The following ATP2C1 variants were observed in gnomAD, a reference collection of about 807,000 sequenced individuals.
The protein encoded by ATP2C1 is ATPase secretory pathway Ca2+ transporting 1.
A neutral mutation model predicts 120.5 loss-of-function variants in ATP2C1; 31 were observed. That is an observed-to-expected ratio of 0.26 (90% CI 0.19 to 0.35). The LOEUF (loss-of-function observed/expected upper bound fraction) is 0.35, where lower values mean the gene tolerates loss of function less well. Ranked by LOEUF, ATP2C1 falls within the 10% of genes least tolerant of loss-of-function variation. ATP2C1 has a pLI of 1.00. For synonymous variants in ATP2C1, 351 were observed against 358.7 expected (o/e 0.98, Z 0.24); for missense variants, 731 against 1,107.5 (o/e 0.66, Z 4.83).
chr3:130,851,479 A>G (rs2107680873), intron 1 of ATP2C1, among the ~76,000 whole-genome samples: 1 of 152,316 alleles, frequency 6.6e-6, no homozygotes, highest in East Asian at 1.9e-4. Flanking sequence ...TTTTTAGCCA[A>G]TCAAAAGCTA....
downstream of ATP2C1, chr3:131,016,704 T>C: frequency 3.1e-6 from 1 of 322,052 alleles, no homozygotes; most frequent in African/African-American, 2.2e-5. Context: ...CTGTTCTCTT[T>C]CACCGAAACT....
intron 7 of ATP2C1, among the ~76,000 whole-genome samples, chr3:130,941,146 C>T (rs1232586715): frequency 1.3e-5 from 2 of 151,790 alleles, no homozygotes; most frequent in African/African-American, 4.8e-5. Context: ...GATCTCCTGA[C>T]CTCGTGATCT....
chr3:130,944,213 A>C (rs1318296189), intron 8 of ATP2C1, among the ~76,000 whole-genome samples: 1 of 152,214 alleles, frequency 6.6e-6, no homozygotes, highest in Non-Finnish European at 1.5e-5. Flanking sequence ...CATAAATTTT[A>C]GTGCTTTCAG....
intron 1 of ATP2C1, among the ~76,000 whole-genome samples, chr3:130,888,669 A>T (rs1395123035): frequency 2.6e-5 from 4 of 152,206 alleles, no homozygotes; most frequent in Admixed American, 2.6e-4. Context: ...CCCCAAGTGC[A>T]TATACTCTCT....
intron 26 of ATP2C1, among the ~76,000 whole-genome samples, chr3:131,012,968 A>C (rs2063388235): frequency 6.6e-6 from 1 of 152,230 alleles, no homozygotes; most frequent in African/African-American, 2.4e-5. Flanking sequence ...AGGCCTGCTC[A>C]AAATGGCAGC....
chr3:130,946,431 T>A (rs988613149), intron 8 of ATP2C1, among the ~76,000 whole-genome samples: 6 of 152,220 alleles, frequency 3.9e-5, no homozygotes, highest in African/African-American at 1.4e-4. Flanking sequence ...AAACCAAAGA[T>A]AATGGGCATC....
At chr3:131,003,752 A>G (rs998308896), downstream of ATP2C1, among the ~76,000 whole-genome samples, 3 of 152,188 alleles carry the variant, frequency 2.0e-5, no homozygotes, top group African/African-American at 7.2e-5. Flanking sequence ...CATGTAGGGT[A>G]TGTATTTTAC....
At chr3:130,941,271 T>C (rs995942963) in intron 7 of ATP2C1, among the ~76,000 whole-genome samples, 5 of 148,366 alleles carry the variant, frequency 3.4e-5, no homozygotes, top group Non-Finnish European at 7.4e-5. Flanking sequence ...TGTGTCTGTG[T>C]GTGTGCGCGC....
intron 2 of ATP2C1, among the ~76,000 whole-genome samples, chr3:130,906,310 C>T (rs1266687904): frequency 1.3e-5 from 2 of 152,024 alleles, no homozygotes; most frequent in Non-Finnish European, 2.9e-5. Flanking sequence ...CTGGGTATTT[C>T]ATATAAATTG....
chr3:130,857,684 G>A (rs930232008), intron 1 of ATP2C1, among the ~76,000 whole-genome samples: 1 of 152,176 alleles, frequency 6.6e-6, no homozygotes, highest in African/African-American at 2.4e-5. Flanking sequence ...CCCTAATGTG[G>A]AGGGGTTTGT....
chr3:130,936,101 A>C (rs2059658126), intron 5 of ATP2C1, among the ~76,000 whole-genome samples: 1 of 152,190 alleles, frequency 6.6e-6, no homozygotes, highest in Non-Finnish European at 1.5e-5. Context: ...TTCAAGCAAT[A>C]ATTAGGGTTT....
chr3:130,865,474 G>A (rs2068142651), intron 1 of ATP2C1, among the ~76,000 whole-genome samples: 1 of 152,298 alleles, frequency 6.6e-6, no homozygotes. Flanking sequence ...AATGTTAGGA[G>A]ATGATATTTG....
In ATP2C1 at chr3:130,886,534, CTTAT is replaced by C. The variant is rs1373532768; in HGVS notation, c.108+35609_108+35612del. Among the ~76,000 whole-genome samples, 6 of 152,080 alleles carry C rather than the reference CTTAT, an allele frequency of 3.9e-5. No individual in the cohort carries two copies. In the South Asian group the frequency reaches 1.0e-3, roughly 26 times the overall value. On this transcript the variant is annotated intron_variant, in intron 1 of 26. Transcript: ENST00000504381. Reference sequence around the variant, plus strand: ...TAGCCATGCTTCATTCTTTTTTATCCTTATTTCTTTTGTCTTCTCTGACCATGTA... The same window carrying C: ...TAGCCATGCTTCATTCTTTTTTATCCTTCTTTTGTCTTCTCTGACCATGTA...
downstream of ATP2C1, among the ~76,000 whole-genome samples, chr3:131,005,024 T>C (rs563362110): frequency 6.6e-6 from 1 of 151,764 alleles, no homozygotes; most frequent in African/African-American, 2.4e-5. Context: ...GGAGACCAAT[T>C]AGAAAATCAA....
intron 11 of ATP2C1, among the ~76,000 whole-genome samples, chr3:130,958,537 T>A (rs1013468225): frequency 9.2e-5 from 14 of 152,102 alleles, no homozygotes; most frequent in Non-Finnish European, 1.8e-4. Context: ...AAAAAAAAAC[T>A]TGTCTTAAAT....
At chr3:130,954,285 A>G (rs2060485563) in intron 9 of ATP2C1, among the ~76,000 whole-genome samples, 1 of 152,194 alleles carries the variant, frequency 6.6e-6, no homozygotes, top group Admixed American at 6.5e-5. Context: ...GATACTGGCT[A>G]TAATAATCTG....
chr3:130,930,439 T>A lies in ATP2C1; in HGVS notation c.30T>A (p.Pro10=). The change falls in exon 3 of 28, where the codon CCT becomes CCA. Residue 10 remains proline (P), a synonymous_variant. Transcript: ENST00000510168. The part of the protein sequence containing the change: MKVARFQKI[P]NGENETMIPV... ...AGGTTGCACGTTTTCAAAAAATACC[T>A]AATGGTGAAAATGAGACAATGATTC... is the stretch of plus-strand genomic sequence containing the variant. The A allele has an allele frequency of 6.2e-7, 1 of 1,612,640 alleles. No individual in the cohort carries two copies. The highest frequency in any genetic ancestry group is 8.5e-7 in the Non-Finnish European group (1 of 1,178,714).
At chr3:130,896,137 C>A (rs1242716246) in intron 2 of ATP2C1, among the ~76,000 whole-genome samples, 1 of 152,196 alleles carries the variant, frequency 6.6e-6, no homozygotes, top group Non-Finnish European at 1.5e-5. Flanking sequence ...TAACTTCTAA[C>A]ATTTAATGTA....
intron 2 of ATP2C1, among the ~76,000 whole-genome samples, chr3:130,922,301 T>C (rs1178398137): frequency 6.6e-6 from 1 of 152,238 alleles, no homozygotes; most frequent in African/African-American, 2.4e-5. Flanking sequence ...TTATCAGTTG[T>C]AATATCTCCT....
Sources: allele counts gnomAD v4.1 joint callset (sites outside exome capture counted in the v4.1 genomes callset), GRCh38; gene constraint gnomAD v4.1.1; transcripts MANE v1.5; gene names NCBI Gene and HGNC (gene_info 2026-07-23, HGNC 2026-07-21).